VWA3B: variants seen among roughly 807,000 people sequenced by gnomAD.
VWA3B encodes von Willebrand factor A domain-containing protein 3B.
VWA3B carries 138 observed loss-of-function variants against 158.3 expected under a neutral mutation model. That is an observed-to-expected ratio of 0.87 (90% CI 0.76 to 1.00). VWA3B has a LOEUF of 1.00. Among genes scored for constraint, VWA3B ranks in the 50% least tolerant of loss-of-function variants. The pLI, the probability that VWA3B is intolerant of heterozygous loss-of-function variation, is 0.00. For missense variants in VWA3B, 1,555 were observed against 1,565.1 expected, an observed-to-expected ratio of 0.99 and a Z score of 0.11; for synonymous variants, 596 against 587.3, an observed-to-expected ratio of 1.01 and a Z score of -0.21.
At position 98,134,043 on chromosome 2, in the gene VWA3B, T is replaced by C. The variant is rs1559561001; in HGVS notation, c.988+104T>C. ...ACGAGGGAGAGACTCCCCATGTCTT[T>C]TGTATAATGTTATTAATGTAGTGCA... On this transcript the variant is annotated intron_variant, in intron 7 of 27. Coordinates refer to ENST00000477737, the MANE Select transcript of VWA3B (RefSeq NM_144992.5). The C allele has an allele frequency of 6.5e-6, 6 of 917,864 alleles. No individual in the cohort carries two copies. The Admixed American group carries it at 9.9e-5, about 15-fold the overall frequency. The allele number at this position is 917,864 out of a possible 1,614,324, so 56.9% of individuals were successfully genotyped here. A position where few individuals can be genotyped will look rare whatever the true frequency, so the allele number is the denominator to read the frequency against.
chr2:98,219,609 G>A (rs188814072), intron 14 of VWA3B, among the ~76,000 whole-genome samples: 19 of 152,212 alleles, frequency 1.2e-4, no homozygotes, highest in African/African-American at 3.1e-4. Flanking sequence ...TCCCAAGCAC[G>A]AGAAACATGA....
chr2:98,156,666 G>A (rs1193177298), intron 7 of VWA3B, among the ~76,000 whole-genome samples: 4 of 113,118 alleles, frequency 3.5e-5, no homozygotes, highest in Non-Finnish European at 7.7e-5. Flanking sequence ...AAAAAACTCA[G>A]TTTTTTTTTT....
intron 22 of VWA3B, among the ~76,000 whole-genome samples, chr2:98,276,607 G>C (rs1281571563): frequency 1.3e-5 from 2 of 152,044 alleles, no homozygotes; most frequent in Non-Finnish European, 2.9e-5. Context: ...TGTGGCCACT[G>C]CGTTTGGAGT....
At chr2:98,162,715 G>A in intron 7 of VWA3B, 136 bp from the exon 8 acceptor site, 1 of 1,236,176 alleles carries the variant, frequency 8.1e-7, no homozygotes, top group Non-Finnish European at 1.1e-6. Context: ...CTCAGAAAGA[G>A]ATTAGTGGGG....
the VWA3B span, among the ~76,000 whole-genome samples, chr2:98,329,832 A>G: frequency 6.6e-6 from 1 of 152,136 alleles, no homozygotes; most frequent in Non-Finnish European, 1.5e-5. Flanking sequence ...TGAAGAAGAA[A>G]TTCCATCTGT....
intron 12 of VWA3B, among the ~76,000 whole-genome samples, chr2:98,209,262 CA>C (rs1683290397): frequency 1.3e-5 from 2 of 151,782 alleles, no homozygotes; most frequent in Non-Finnish European, 1.5e-5. Flanking sequence ...TATCTTTAAC[CA>C]AATTTGTTTT....
At chr2:98,309,631 G>A (rs1211366052) in intron 26 of VWA3B, among the ~76,000 whole-genome samples, 1 of 152,220 alleles carries the variant, frequency 6.6e-6, no homozygotes, top group Non-Finnish European at 1.5e-5. Context: ...CCTTGACCCC[G>A]TGTAGTGTTG....
At chr2:98,329,556 A>G in the VWA3B span, among the ~76,000 whole-genome samples, 1 of 152,282 alleles carries the variant, frequency 6.6e-6, no homozygotes, top group South Asian at 2.1e-4. Context: ...ACTGGCCATA[A>G]GTACATGAAG....
intron 7 of VWA3B, among the ~76,000 whole-genome samples, chr2:98,160,497 G>A (rs1266480861): frequency 1.3e-5 from 2 of 152,156 alleles, no homozygotes; most frequent in Non-Finnish European, 2.9e-5. Flanking sequence ...TGCTGTCCCA[G>A]AGACACATTT....
rs1028404989 is a variant in VWA3B at position 98,135,341 on chromosome 2, T to C, written c.988+1402T>C. On this transcript the variant is annotated intron_variant, in intron 7 of 27. Transcript: ENST00000477737. ...AACATTTTTCTTTTTTTTTTTTTTT[T>C]TTTTTTTTTTTTGAGACAGAGTCTC... 8.7e-4 allele frequency among the ~76,000 whole-genome samples: 114 copies of C among 131,022 alleles called. 1 individual carries two copies. The highest frequency in any genetic ancestry group is 3.6e-3 in the Middle Eastern group (1 of 278). The allele number at this position is 131,022 out of a possible 152,430, so 86.0% of individuals were successfully genotyped here.
At chr2:98,160,473 C>T (rs1678482612) in intron 7 of VWA3B, among the ~76,000 whole-genome samples, 1 of 152,162 alleles carries the variant, frequency 6.6e-6, no homozygotes, top group African/African-American at 2.4e-5. Flanking sequence ...GCACAGGGAG[C>T]ACGTCCCGGT....
intron 19 of VWA3B, among the ~76,000 whole-genome samples, chr2:98,240,485 C>T (rs777386512): frequency 1.3e-5 from 2 of 152,144 alleles, no homozygotes; most frequent in Non-Finnish European, 2.9e-5. Context: ...TGGCTGGACC[C>T]AAAGGGTATG....
At chr2:98,254,492 G>A (rs1467346562) in intron 20 of VWA3B, among the ~76,000 whole-genome samples, 1 of 152,132 alleles carries the variant, frequency 6.6e-6, no homozygotes, top group East Asian at 1.9e-4. Context: ...ATTATTACCT[G>A]AATCACATGA....
chr2:98,205,669 A>T (rs900812033), intron 12 of VWA3B, among the ~76,000 whole-genome samples: 1 of 152,122 alleles, frequency 6.6e-6, no homozygotes, highest in African/African-American at 2.4e-5. Context: ...TAGTACCATA[A>T]ATTTTCCTGC....
At chr2:98,134,564 T>C (rs1676121788) in intron 7 of VWA3B, among the ~76,000 whole-genome samples, 1 of 151,910 alleles carries the variant, frequency 6.6e-6, no homozygotes, top group Non-Finnish European at 1.5e-5. Flanking sequence ...GCTGATGAAA[T>C]TGCAAAGTGC....
intron 11 of VWA3B, among the ~76,000 whole-genome samples, chr2:98,193,992 ATGT>A (rs1177939872): frequency 6.6e-6 from 1 of 152,140 alleles, no homozygotes; most frequent in Non-Finnish European, 1.5e-5. Context: ...GACTGAAATG[ATGT>A]TGTTTTAGAT....
chr2:98,220,537 A>C (rs1684406921), intron 14 of VWA3B, among the ~76,000 whole-genome samples: 1 of 152,196 alleles, frequency 6.6e-6, no homozygotes, highest in African/African-American at 2.4e-5. Flanking sequence ...TGTGGAAGAC[A>C]GTGTGGCGAT....
intron 10 of VWA3B, among the ~76,000 whole-genome samples, chr2:98,191,179 G>A (rs1301108396): frequency 6.6e-6 from 1 of 152,050 alleles, no homozygotes; most frequent in Non-Finnish European, 1.5e-5. Context: ...CTCTCTACAA[G>A]TTTTATTTGG....
intron 2 of VWA3B, among the ~76,000 whole-genome samples, chr2:98,107,405 A>G (rs1035235444): frequency 1.3e-5 from 2 of 152,088 alleles, no homozygotes; most frequent in Non-Finnish European, 2.9e-5. Context: ...GTTTTGTAGA[A>G]TTATTATTTT....
Sources: gnomAD v4.1 joint callset for allele counts (sites outside exome capture counted in the v4.1 genomes callset) on GRCh38, gnomAD v4.1.1 for gene constraint, MANE v1.5 for transcripts, NCBI Gene and HGNC (gene_info 2026-07-23, HGNC 2026-07-21) for gene names.